Variants in PTPRS observed in about 807,000 individuals in gnomAD.
The protein encoded by PTPRS is receptor-type tyrosine-protein phosphatase S.
A neutral mutation model predicts 215.3 loss-of-function variants in PTPRS; 63 were observed. That is an observed-to-expected ratio of 0.29 (90% CI 0.24 to 0.36). The LOEUF (loss-of-function observed/expected upper bound fraction) is 0.36, where lower values mean the gene tolerates loss of function less well. PTPRS is among the 10% of genes least tolerant of loss of function. The probability of loss-of-function intolerance (pLI) is 1.00; values close to 1 mark genes in which losing one functional copy is unlikely to be tolerated. For missense variants in PTPRS, 2,258 were observed against 2,825.8 expected (o/e 0.80, Z 4.56); for synonymous variants, 1,404 against 1,191.4 (o/e 1.18, Z -3.68).
intron 25 of PTPRS, among the ~76,000 whole-genome samples, chr19:5,217,606 A>C (rs541165396): frequency 3.9e-5 from 6 of 152,336 alleles, no homozygotes; most frequent in Admixed American, 3.9e-4. Context: ...AGGAGGACTA[A>C]AGACATCAGT....
Position 5,208,372 on chromosome 19 carries a change from A to T in PTPRS, c.5507T>A (p.Val1836Asp), listed in dbSNP as rs1412649581. ...CCAGTCTGTGAACTGGAACTGCCGG[A>T]CAGTCCGGGACTGGCCATCCTAGAG... ...TDARDGQSRT[V>D]RQFQFTDWPE... The change falls in exon 36 of 38, where the codon GTC (valine) becomes GAC (aspartate). Residue 1836 changes from valine to aspartate, a missense_variant. By Grantham distance (152) the Val-to-Asp change is radical. Transcript: ENST00000262963. 1 of 1,603,274 alleles carries T rather than the reference A, an allele frequency of 6.2e-7. No individual in the cohort carries two copies. Among genetic ancestry groups the T allele is most frequent in the Non-Finnish European group, 8.5e-7 (1 of 1,174,366 alleles).
chr19:5,243,664 G>A (rs1188326521), intron 11 of PTPRS, among the ~76,000 whole-genome samples: 1 of 151,956 alleles, frequency 6.6e-6, no homozygotes, highest in African/African-American at 2.4e-5. Flanking sequence ...TAGAGATGGG[G>A]TTTCACCATG....
chr19:5,312,876 G>A (rs1230310518), intron 1 of PTPRS, among the ~76,000 whole-genome samples: 1 of 152,136 alleles, frequency 6.6e-6, no homozygotes, highest in African/African-American at 2.4e-5. Context: ...AGCAGAGGGG[G>A]GACATGAGTC....
intron 4 of PTPRS, among the ~76,000 whole-genome samples, chr19:5,267,900 T>TG (rs2046556683): frequency 6.6e-6 from 1 of 151,776 alleles, no homozygotes; most frequent in South Asian, 2.1e-4. Context: ...CCGGGCACAG[T>TG]GGGTCACGCC....
chr19:5,326,103 C>T (rs1281189658), intron 1 of PTPRS, among the ~76,000 whole-genome samples: 2 of 152,212 alleles, frequency 1.3e-5, no homozygotes, highest in South Asian at 2.1e-4. Flanking sequence ...TGGTGACACA[C>T]GCCTGTAATC....
At chr19:5,335,671 G>A (rs996012421) in intron 1 of PTPRS, among the ~76,000 whole-genome samples, 1 of 152,162 alleles carries the variant, frequency 6.6e-6, no homozygotes, top group Non-Finnish European at 1.5e-5. Flanking sequence ...TAAAGAGTAC[G>A]AGATGAAATC....
chr19:5,329,060 G>A (rs2147265806), intron 1 of PTPRS, among the ~76,000 whole-genome samples: 1 of 152,310 alleles, frequency 6.6e-6, no homozygotes, highest in East Asian at 1.9e-4. Context: ...GTCCTAAAGG[G>A]GTTGCAGACA....
At chr19:5,226,381 G>A (rs1304153140) in intron 16 of PTPRS, among the ~76,000 whole-genome samples, 1 of 152,226 alleles carries the variant, frequency 6.6e-6, no homozygotes, top group Non-Finnish European at 1.5e-5. Flanking sequence ...AGAGCCGCTG[G>A]TTAAATTTTC....
At chr19:5,309,747 C>G (rs2049632721) in intron 1 of PTPRS, among the ~76,000 whole-genome samples, 1 of 152,122 alleles carries the variant, frequency 6.6e-6, no homozygotes, top group African/African-American at 2.4e-5. Flanking sequence ...AGAAGCCAGC[C>G]AACCCTTCTG....
At chr19:5,290,933 G>T (rs778953612) in intron 1 of PTPRS, among the ~76,000 whole-genome samples, 32 of 151,890 alleles carry the variant, frequency 2.1e-4, no homozygotes, top group Non-Finnish European at 3.7e-4. Flanking sequence ...AGGCAGCGAG[G>T]GCCCCCCTGG....
intron 35 of PTPRS, among the ~76,000 whole-genome samples, chr19:5,209,007 C>T (rs569805650): frequency 9.9e-5 from 15 of 152,238 alleles, no homozygotes; most frequent in South Asian, 4.1e-4. Flanking sequence ...CATCTTTCAT[C>T]GTCCACCATC....
At chr19:5,330,946 CAATAATCA>C (rs1448769485) in intron 1 of PTPRS, among the ~76,000 whole-genome samples, 1 of 152,046 alleles carries the variant, frequency 6.6e-6, no homozygotes, top group Non-Finnish European at 1.5e-5. Context: ...TACCCACTTC[CAATAATCA>C]ATGGGGCAGT....
At chr19:5,227,341 G>GCCC (rs1446941346) in intron 16 of PTPRS, among the ~76,000 whole-genome samples, 5 of 142,638 alleles carry the variant, frequency 3.5e-5, no homozygotes, top group East Asian at 4.3e-4. Flanking sequence ...GTGAGCCACT[G>GCCC]TGCCTGGCTG....
rs760049186 is a variant in PTPRS at position 5,260,825 on chromosome 19, G to C, written c.578-3C>G. On this transcript the variant is annotated splice_region_variant and splice_polypyrimidine_tract_variant and intron_variant, in intron 6 of 37. Transcript: ENST00000262963. ...CTTACCTCGAATCGGAGTGCTTTCT[G>C]TAAGGGAAGCAGAGAGAACCAGGTG... 3.7e-6 allele frequency: 6 copies of C among 1,613,546 alleles called. No individual in the cohort carries two copies. Among genetic ancestry groups the C allele is most frequent in the Non-Finnish European group, 5.1e-6 (6 of 1,179,742 alleles).
At position 5,256,036 on chromosome 19, in the gene PTPRS, G is replaced by T. The variant is rs1599731202; in HGVS notation, c.718+72C>A. On this transcript the variant is annotated intron_variant, in intron 9 of 37. Coordinates refer to ENST00000262963, the MANE Select transcript of PTPRS (RefSeq NM_002850.4). ...TCCGTGTGGTGTCTACATGTGTTTT[G>T]TGTGTGTGCGTGTCATTTTCAGAAT... 7 of 1,361,872 alleles carry T rather than the reference G, an allele frequency of 5.1e-6. No individual in the cohort carries two copies. In the East Asian group the frequency reaches 1.7e-4, roughly 33 times the overall value. The allele number at this position is 1,361,872 out of a possible 1,614,324, so 84.4% of individuals were successfully genotyped here.
intron 1 of PTPRS, among the ~76,000 whole-genome samples, chr19:5,329,678 T>C (rs1343222681): frequency 1.3e-5 from 2 of 151,398 alleles, no homozygotes; most frequent in Non-Finnish European, 2.9e-5. Context: ...GGCAGGAGAA[T>C]GGCGTGAACC....
chr19:5,265,296 C>T lies in PTPRS; in HGVS notation c.380-100G>A, dbSNP rs1374335222. On this transcript the variant is annotated intron_variant, in intron 4 of 37. Coordinates refer to ENST00000262963, the MANE Select transcript of PTPRS (RefSeq NM_002850.4). ...GACTGCCTGGCCACGGGTCCAGCTC[C>T]TCCCTGGCTGCGTGACCTCAGCCAT... 2.4e-5 allele frequency: 28 copies of T among 1,155,928 alleles called. 1 individual carries two copies. The East Asian group carries it at 6.7e-4, about 28-fold the overall frequency. 71.6% of individuals were successfully genotyped at this position (1,155,928 alleles called of 1,614,324 possible).
chr19:5,233,492 G>C lies in PTPRS; in HGVS notation c.1850-1877C>G, dbSNP rs374342240. 7.9e-5 allele frequency among the ~76,000 whole-genome samples: 12 copies of C among 151,510 alleles called. No homozygotes were observed. In the South Asian group the frequency reaches 8.4e-4, roughly 11 times the overall value. On this transcript the variant is annotated intron_variant, in intron 13 of 37. Coordinates refer to ENST00000262963, the MANE Select transcript of PTPRS (RefSeq NM_002850.4). ...AGAAGCTCCATTAGGCACCTACTAT[G>C]TGCCAGCACCAAGGGCTTCACAAAA...
At chr19:5,304,952 GA>G (rs1222859009) in intron 1 of PTPRS, among the ~76,000 whole-genome samples, 4 of 137,616 alleles carry the variant, frequency 2.9e-5, no homozygotes, top group Non-Finnish European at 3.1e-5. Context: ...GGGGGCTGGT[GA>G]GGGGGGGTGG....
Sources: gnomAD v4.1 joint callset for allele counts (sites outside exome capture counted in the v4.1 genomes callset) on GRCh38, gnomAD v4.1.1 for gene constraint, MANE v1.5 for transcripts, NCBI Gene and HGNC (gene_info 2026-07-23, HGNC 2026-07-21) for gene names.